The following MARCKS variants were observed in gnomAD, a reference collection of about 807,000 sequenced individuals.
The protein encoded by MARCKS is myristoylated alanine rich protein kinase C substrate, also known as myristoylated alanine-rich C-kinase substrate.
In MARCKS, 4 loss-of-function variants were observed where a neutral mutation model predicts 6.3. The ratio of observed to expected loss-of-function variants is 0.63; its 90% CI spans 0.31 to 1.45. The LOEUF (loss-of-function observed/expected upper bound fraction) is 1.45. Ranked by LOEUF, MARCKS falls within the 40% of genes most tolerant of loss-of-function variation. The pLI, the probability that MARCKS is intolerant of heterozygous loss-of-function variation, is 0.07. For missense variants in MARCKS, 636 were observed against 485.7 expected (o/e 1.31, Z -2.91); for synonymous variants, 289 against 236.5 (o/e 1.22, Z -2.04).
chr6:113,860,233 C>T lies in MARCKS; in HGVS notation c.653C>T (p.Pro218Leu). 1 of 1,072,514 alleles carries T rather than the reference C, an allele frequency of 9.3e-7. No homozygotes were observed. Among genetic ancestry groups the T allele is most frequent in the Non-Finnish European group, 1.1e-6 (1 of 882,144 alleles). The allele number at this position is 1,072,514 out of a possible 1,614,324, so 66.4% of individuals were successfully genotyped here. The change falls in exon 2 of 2, where the codon CCG becomes CTG. Residue 218 changes from proline (P) to leucine (L), a missense_variant. Pro to Leu is a moderately conservative substitution (Grantham distance 98, BLOSUM62 -3). Coordinates refer to ENST00000612661, the MANE Select transcript of MARCKS (RefSeq NM_002356.7). ...GCCTCCGGGGAGCAGGCAGCGGCGC[C>T]GGGCGAGGAGGCGGCAGCGGGCGAG... ...GAASGEQAAA[P>L]GEEAAAGEEG... is the part of the protein sequence containing the mutation.
Position 113,860,468 on chromosome 6 carries a change from C to T in MARCKS, c.888C>T (p.Ala296=), listed in dbSNP as rs1261090251. ...GPGAPPEQEA[A]PAEEPAAAAA... is the part of the protein sequence containing the mutation. The stretch of plus-strand genomic sequence containing the variant: ...GCGCGCCCCCGGAGCAGGAGGCAGC[C>T]CCCGCGGAGGAGCCCGCGGCCGCCG... The change falls in exon 2 of 2, where the codon GCC becomes GCT. Residue 296 remains alanine, a synonymous_variant. Coordinates refer to ENST00000612661, the MANE Select transcript of MARCKS (RefSeq NM_002356.7). The T allele has an allele frequency of 7.0e-6, 10 of 1,419,964 alleles. No homozygotes were observed. The highest frequency in any genetic ancestry group is 8.4e-6 in the Non-Finnish European group (9 of 1,077,286). 88.0% of individuals were successfully genotyped at this position (1,419,964 alleles called of 1,614,324 possible). A position where few individuals can be genotyped will look rare whatever the true frequency, so the allele number is the denominator to read the frequency against.
rs1562118784 is a variant in MARCKS, at chr6:113,862,415, C to CATTTTTTTTTTTTTTTTTTTTTTTTTT, written c.*1836_*1837insATTTTTTTTTTTTTTTTTTTTTTTTTT. ...GGGCCTTTAGCATAGTTTTAAGCAT[C>CATTTTTTTTTTTTTTTTTTTTTTTTTT]CTTTTTTTTTTTTTTTTTTGAAAGT... is the stretch of plus-strand genomic sequence containing the variant. On this transcript the variant is annotated 3_prime_UTR_variant, in exon 2 of 2. Transcript: ENST00000612661. The CATTTTTTTTTTTTTTTTTTTTTTTTTT allele has an allele frequency of 1.1e-5, 1 of 87,460 alleles. No homozygotes were observed. The highest frequency in any genetic ancestry group is 3.2e-5 in the African/African-American group (1 of 31,494). The allele number at this position is 87,460 out of a possible 1,614,324, so 5.4% of individuals were successfully genotyped here.
Position 113,860,632 on chromosome 6 carries a change from T to C in MARCKS, c.*53T>C. On this transcript the variant is annotated 3_prime_UTR_variant, in exon 2 of 2. Transcript: ENST00000612661. ...AGAACTTTTCTCCCCCGTTTGTTTG[T>C]TGGAGTGGTGCCAGGTACTGGTTTT... 1 of 1,353,000 alleles carries C rather than the reference T, an allele frequency of 7.4e-7. No homozygotes were observed. The highest frequency in any genetic ancestry group is 9.9e-7 in the Non-Finnish European group (1 of 1,012,144). The allele number at this position is 1,353,000 out of a possible 1,614,324, so 83.8% of individuals were successfully genotyped here.
chr6:113,858,386 G>T (rs2114519864), intron 1 of MARCKS, among the ~76,000 whole-genome samples: 1 of 151,992 alleles, frequency 6.6e-6, no homozygotes, highest in Middle Eastern at 3.4e-3. Context: ...AAGGTGGCTG[G>T]CTGGGGCCAG....
At position 113,857,615 on chromosome 6, in the gene MARCKS, C is replaced by A; in HGVS notation, c.-131C>A. The A allele has an allele frequency of 2.6e-6, 1 of 382,812 alleles. No homozygotes were observed. Among genetic ancestry groups the A allele is most frequent in the South Asian group, 1.8e-5 (1 of 54,862 alleles). 23.7% of individuals were successfully genotyped at this position (382,812 alleles called of 1,614,324 possible). ...CCTCTCCACCACCCCCACCCCCCTC[C>A]CTCCGGTGTGTGTGCCGCTGCCGCT... On this transcript the variant is annotated 5_prime_UTR_variant, in exon 1 of 2. Coordinates refer to ENST00000612661, the MANE Select transcript of MARCKS (RefSeq NM_002356.7).
chr6:113,860,887 T>C lies in MARCKS; in HGVS notation c.*308T>C, dbSNP rs1063446. 5.9e-6 allele frequency: 1 copy of C among 168,238 alleles called. No individual in the cohort carries two copies. Among genetic ancestry groups the C allele is most frequent in the Non-Finnish European group, 1.3e-5 (1 of 78,176 alleles). The allele number at this position is 168,238 out of a possible 1,614,324, so 10.4% of individuals were successfully genotyped here. A position where few individuals can be genotyped will look rare whatever the true frequency, so the allele number is the denominator to read the frequency against. ...TTTTTCGCATCAGTATTAATGTTTT[T>C]GCATACTTTGCATCTTTATTCAAAA... On this transcript the variant is annotated 3_prime_UTR_variant, in exon 2 of 2. Coordinates refer to ENST00000612661, the MANE Select transcript of MARCKS (RefSeq NM_002356.7).
Position 113,859,744 on chromosome 6 carries a change from A to T in MARCKS, c.164A>T (p.Lys55Met), listed in dbSNP as rs531808007. Reference sequence around the variant, plus strand: ...CCCGCGGCCGCCGAGTCGGGCGCCAAGGAGGAGCTGCAGGCCAACGGCAGC... The same window carrying T: ...CCCGCGGCCGCCGAGTCGGGCGCCATGGAGGAGCTGCAGGCCAACGGCAGC... The part of the protein sequence containing the change: ...ASPAAAESGA[K>M]EELQANGSAP... Residue 55 changes from lysine to methionine, a missense_variant, in exon 2 of 2, where the codon AAG becomes ATG. By Grantham distance (95) the Lys-to-Met change is moderately conservative. Coordinates refer to ENST00000612661, the MANE Select transcript of MARCKS (RefSeq NM_002356.7). 1.3e-6 allele frequency: 2 copies of T among 1,497,386 alleles called. No individual in the cohort carries two copies. Among genetic ancestry groups the T allele is most frequent in the South Asian group, 2.5e-5 (2 of 79,870 alleles). 92.8% of individuals were successfully genotyped at this position (1,497,386 alleles called of 1,614,324 possible). A position where few individuals can be genotyped will look rare whatever the true frequency, so the allele number is the denominator to read the frequency against.
chr6:113,859,938 A>C lies in MARCKS; in HGVS notation c.358A>C (p.Thr120Pro), dbSNP rs1463731726. 6.7e-7 allele frequency: 1 copy of C among 1,481,598 alleles called. No homozygotes were observed. The highest frequency in any genetic ancestry group is 1.5e-5 in the African/African-American group (1 of 68,388). 91.8% of individuals were successfully genotyped at this position (1,481,598 alleles called of 1,614,324 possible). The change falls in exon 2 of 2, where the codon ACG (threonine) becomes CCG (proline). Residue 120 changes from threonine to proline, a missense_variant. Coordinates refer to ENST00000612661, the MANE Select transcript of MARCKS (RefSeq NM_002356.7). ...EGEAAEPGSP[T>P]AAEGEAASAA... ...CGAGGCTGCCGAGCCCGGCTCGCCC[A>C]CGGCCGCGGAGGGAGAGGCCGCGTC... is the stretch of plus-strand genomic sequence containing the variant.
In MARCKS at chr6:113,860,248, C is replaced by G; in HGVS notation, c.668C>G (p.Ala223Gly). 1 of 1,084,010 alleles carries G rather than the reference C, an allele frequency of 9.2e-7. No homozygotes were observed. The highest frequency in any genetic ancestry group is 1.1e-6 in the Non-Finnish European group (1 of 888,520). The allele number at this position is 1,084,010 out of a possible 1,614,324, so 67.1% of individuals were successfully genotyped here. The change falls in exon 2 of 2, where the codon GCA (alanine) becomes GGA (glycine). Residue 223 changes from alanine to glycine, a missense_variant. Coordinates refer to ENST00000612661, the MANE Select transcript of MARCKS (RefSeq NM_002356.7). Reference protein sequence around the residue: ...EQAAAPGEEAAAGEEGAAGGD... With the variant: ...EQAAAPGEEAGAGEEGAAGGD... ...GCAGCGGCGCCGGGCGAGGAGGCGG[C>G]AGCGGGCGAGGAGGGGGCGGCGGGT...
In MARCKS at chr6:113,860,379, A is replaced by G; in HGVS notation, c.799A>G (p.Lys267Glu). The change falls in exon 2 of 2, where the codon AAA (lysine) becomes GAA (glutamate). Residue 267 changes from lysine (K) to glutamate (E), a missense_variant. Coordinates refer to ENST00000612661, the MANE Select transcript of MARCKS (RefSeq NM_002356.7). ...CGAGGAGCCCAGCAAGGTGGAGGAG[A>G]AAAAGGCCGAGGAGGCCGGGGCCAG... is the stretch of plus-strand genomic sequence containing the variant. ...AAEEPSKVEEKKAEEAGASAA... is the reference protein window; with the variant it reads ...AAEEPSKVEEEKAEEAGASAA... The G allele has an allele frequency of 7.9e-7, 1 of 1,273,522 alleles. No homozygotes were observed. Among genetic ancestry groups the G allele is most frequent in the Non-Finnish European group, 1.0e-6 (1 of 983,592 alleles). The allele number at this position is 1,273,522 out of a possible 1,614,324, so 78.9% of individuals were successfully genotyped here.
At chr6:113,858,005 G>A (rs928250539) in intron 1 of MARCKS, among the ~76,000 whole-genome samples, 158 bp downstream of exon 1, 3 of 152,174 alleles carry the variant, frequency 2.0e-5, no homozygotes, top group Non-Finnish European at 4.4e-5. Flanking sequence ...TTCATAGCCG[G>A]GGTCCCCCCA....
Position 113,860,004 on chromosome 6 carries a change from G to A in MARCKS, c.424G>A (p.Ala142Thr), listed in dbSNP as rs1774862566. The A allele has an allele frequency of 6.4e-7, 1 of 1,566,148 alleles. No homozygotes were observed. Residue 142 changes from alanine (A) to threonine (T), a missense_variant, in exon 2 of 2, where the codon GCC becomes ACC. Ala to Thr is a moderately conservative substitution (Grantham distance 58). Coordinates refer to ENST00000612661, the MANE Select transcript of MARCKS (RefSeq NM_002356.7). Reference protein sequence around the residue: ...STSSPKAEDGATPSPSNETPK... With the variant: ...STSSPKAEDGTTPSPSNETPK... The stretch of plus-strand genomic sequence containing the variant: ...TTCTTCGCCCAAGGCCGAGGACGGG[G>A]CCACGCCCTCGCCCAGCAACGAGAC...
In MARCKS at chr6:113,860,179, C is replaced by T; in HGVS notation, c.599C>T (p.Ala200Val). 5 of 1,238,898 alleles carry T rather than the reference C, an allele frequency of 4.0e-6. No homozygotes were observed. The highest frequency in any genetic ancestry group is 1.6e-5 in the African/African-American group (1 of 62,042). 76.7% of individuals were successfully genotyped at this position (1,238,898 alleles called of 1,614,324 possible). The change falls in exon 2 of 2, where the codon GCA becomes GTA. Residue 200 changes from alanine (A) to valine (V), a missense_variant. By Grantham distance (64) the Ala-to-Val change is moderately conservative. Coordinates refer to ENST00000612661, the MANE Select transcript of MARCKS (RefSeq NM_002356.7). ...GGCAAGGACGAGGCCGCCGGGGGCG[C>T]AGCTGCGGCCGCCGCCGAGGCGGGC... ...EGGKDEAAGG[A>V]AAAAAEAGAA...
In MARCKS at chr6:113,861,625, A is replaced by G. The variant is rs1193741316; in HGVS notation, c.*1046A>G. 4 of 152,634 alleles carry G rather than the reference A, an allele frequency of 2.6e-5. No homozygotes were observed. Among genetic ancestry groups the G allele is most frequent in the South Asian group, 2.1e-4 (1 of 4,832 alleles). 9.5% of individuals were successfully genotyped at this position (152,634 alleles called of 1,614,324 possible). ...AAAGGAAAAAAAATCTTCAGATGCAATGGTTTTGTGTAGCATCTTGTCTAT... is the reference window on the plus strand; with the variant it reads ...AAAGGAAAAAAAATCTTCAGATGCAGTGGTTTTGTGTAGCATCTTGTCTAT... On this transcript the variant is annotated 3_prime_UTR_variant, in exon 2 of 2. Coordinates refer to ENST00000612661, the MANE Select transcript of MARCKS (RefSeq NM_002356.7).
chr6:113,862,403 AGTTTTAAGCATCCTTT>A lies in MARCKS; in HGVS notation c.*1825_*1840del, dbSNP rs1774914070. 6.9e-6 allele frequency: 1 copy of A among 145,360 alleles called. No homozygotes were observed. The highest frequency in any genetic ancestry group is 2.5e-5 in the African/African-American group (1 of 40,000). 9.0% of individuals were successfully genotyped at this position (145,360 alleles called of 1,614,324 possible). On this transcript the variant is annotated 3_prime_UTR_variant, in exon 2 of 2. Transcript: ENST00000612661. ...ATGTCAGTTCATGGGCCTTTAGCAT[AGTTTTAAGCATCCTTT>A]TTTTTTTTTTTTTTTGAAAGTGTGT...
intron 1 of MARCKS, 39 bp from the exon 2 acceptor site, chr6:113,859,644 G>A: frequency 1.4e-6 from 2 of 1,442,972 alleles, no homozygotes; most frequent in Non-Finnish European, 1.8e-6. Flanking sequence ...GCGGCGCCCC[G>A]GCCGCTTCAG....
intron 1 of MARCKS, among the ~76,000 whole-genome samples, chr6:113,858,176 G>A (rs898354388): frequency 6.6e-6 from 1 of 152,258 alleles, no homozygotes; most frequent in Admixed American, 6.5e-5. Flanking sequence ...TTGTGTTTGG[G>A]GGCACAATGG....
rs1774801058 is a variant in MARCKS, at chr6:113,857,400, T to A, written c.-346T>A. On this transcript the variant is annotated 5_prime_UTR_variant, in exon 1 of 2. Coordinates refer to ENST00000612661, the MANE Select transcript of MARCKS (RefSeq NM_002356.7). ...AGCAACCAGGGAGATTTCTCCATTT[T>A]CCTCTTGTCTACAGTGCGGCTACAA... 2 of 239,872 alleles carry A rather than the reference T, an allele frequency of 8.3e-6. No individual in the cohort carries two copies. Among genetic ancestry groups the A allele is most frequent in the Non-Finnish European group, 1.6e-5 (2 of 122,428 alleles). 14.9% of individuals were successfully genotyped at this position (239,872 alleles called of 1,614,324 possible). A position where few individuals can be genotyped will look rare whatever the true frequency, so the allele number is the denominator to read the frequency against.
intron 1 of MARCKS, among the ~76,000 whole-genome samples, chr6:113,858,431 C>T (rs556390233): frequency 6.6e-6 from 1 of 152,314 alleles, no homozygotes; most frequent in African/African-American, 2.4e-5. Context: ...TGAGGCTTTC[C>T]CACTGTCCTA....
Sources: gnomAD v4.1 joint callset for allele counts (sites outside exome capture counted in the v4.1 genomes callset) on GRCh38, gnomAD v4.1.1 for gene constraint, MANE v1.5 for transcripts, NCBI Gene and HGNC (gene_info 2026-07-23, HGNC 2026-07-21) for gene names.